The following MAP3K4 variants were observed in gnomAD, a reference collection of about 807,000 sequenced individuals.
MAP3K4 encodes MAP three kinase 1.
A neutral mutation model predicts 185.6 loss-of-function variants in MAP3K4; 67 were observed. That is an observed-to-expected ratio of 0.36 (90% confidence interval 0.30 to 0.44). MAP3K4 has a LOEUF of 0.44. Among genes scored for constraint, MAP3K4 ranks in the 20% least tolerant of loss-of-function variants. MAP3K4 has a pLI of 1.00. For synonymous variants in MAP3K4, 702 were observed against 710.4 expected, an observed-to-expected ratio of 0.99 and a Z score of 0.19; for missense variants, 1,551 against 1,995.1, an observed-to-expected ratio of 0.78 and a Z score of 4.24.
chr6:161,033,337 T>C (rs1176453251), intron 1 of MAP3K4, among the ~76,000 whole-genome samples: 1 of 152,206 alleles, frequency 6.6e-6, no homozygotes, highest in East Asian at 1.9e-4. Context: ...TTTTTAAGAA[T>C]TGTATTTGCT....
intron 1 of MAP3K4, among the ~76,000 whole-genome samples, chr6:161,024,248 T>TG (rs1782536305): frequency 6.6e-6 from 1 of 152,178 alleles, no homozygotes; most frequent in South Asian, 2.1e-4. Context: ...GGATTATAGA[T>TG]GCGAGCCGCC....
rs939490715 is a variant in MAP3K4 at position 161,003,121 on chromosome 6, G to A, written c.152+11038G>A. 3.3e-5 allele frequency among the ~76,000 whole-genome samples: 5 copies of A among 152,236 alleles called. No homozygotes were observed. In the South Asian group the frequency reaches 8.3e-4, roughly 25 times the overall value. On this transcript the variant is annotated intron_variant, in intron 1 of 26. Coordinates refer to ENST00000392142, the MANE Select transcript of MAP3K4 (RefSeq NM_005922.4). Reference sequence around the variant, plus strand: ...TTTTTGTGAATTTTTCACTATTTTGGATTGTTTCTTTAGGATAGCTTCCTA... The same window carrying A: ...TTTTTGTGAATTTTTCACTATTTTGAATTGTTTCTTTAGGATAGCTTCCTA...
chr6:161,051,017 A>T lies in MAP3K4; in HGVS notation c.1707+1038A>T, dbSNP rs1026595469. Among the ~76,000 whole-genome samples, 1 of 152,208 alleles carries T rather than the reference A, an allele frequency of 6.6e-6. No homozygotes were observed. The highest frequency in any genetic ancestry group is 2.4e-5 in the African/African-American group (1 of 41,456). ...ACCAATGCACAACCTCGTATGCTTTAATCTCGAGATTATGTGTAATGCCTT... is the reference window on the plus strand; with the variant it reads ...ACCAATGCACAACCTCGTATGCTTTTATCTCGAGATTATGTGTAATGCCTT... On this transcript the variant is annotated intron_variant, in intron 3 of 26. Coordinates refer to ENST00000392142, the MANE Select transcript of MAP3K4 (RefSeq NM_005922.4). This position sits in a 1 kb window ranked among gnomAD's most constrained non-coding sequence, Gnocchi z 4.2.
intron 1 of MAP3K4, among the ~76,000 whole-genome samples, chr6:160,993,979 A>G (rs561487533): frequency 2.7e-4 from 41 of 152,254 alleles, no homozygotes; most frequent in African/African-American, 8.4e-4. Context: ...GCTCTTCAAT[A>G]CATAGAACTG....
At chr6:161,092,840 T>C (rs1777387028) in intron 13 of MAP3K4, 138 bp from the exon 14 acceptor site, 1 of 504,116 alleles carries the variant, frequency 2.0e-6, no homozygotes, top group Admixed American at 3.6e-5. Context: ...CGCTGTAAAC[T>C]TACTGAACCC....
Position 161,093,250 on chromosome 6 carries a change from G to C in MAP3K4, c.3348+194G>C, listed in dbSNP as rs1026894553. On this transcript the variant is annotated intron_variant, in intron 14 of 26. Coordinates refer to ENST00000392142, the MANE Select transcript of MAP3K4 (RefSeq NM_005922.4). The surrounding 1 kb of genome is among the most constrained non-coding windows in gnomAD (Gnocchi z 5.2). ...GATTTTTTTTCTTTTTGTAACATTA[G>C]TGTTCAACTAAGTCAATGTCTGGTT... Among the ~76,000 whole-genome samples the C allele has an allele frequency of 3.3e-5, 5 of 152,090 alleles. No individual in the cohort carries two copies. Among genetic ancestry groups the C allele is most frequent in the African/African-American group, 7.2e-5 (3 of 41,472 alleles).
chr6:161,097,127 A>G lies in MAP3K4; in HGVS notation c.3475A>G (p.Ser1159Gly), dbSNP rs1461002405. ...TCCTATGAAGGTACCTCGATGCCAT[A>G]GTGACCCTCCTAACCCACACCTCAT... is the stretch of plus-strand genomic sequence containing the variant. Reference protein sequence around the residue: ...PRPMKVPRCHSDPPNPHLIIP... With the variant: ...PRPMKVPRCHGDPPNPHLIIP... The change falls in exon 16 of 27, where the codon AGT becomes GGT. Residue 1159 changes from serine (S) to glycine (G), a missense_variant. By Grantham distance (56) the Ser-to-Gly change is moderately conservative. This residue lies in a region of MAP3K4 where 272 missense variants were observed against 301.2 expected (regional missense o/e 0.90). Transcript: ENST00000392142. This position sits in a 1 kb window ranked among gnomAD's most constrained non-coding sequence, Gnocchi z 4.9. 6.2e-7 allele frequency: 1 copy of G among 1,614,160 alleles called. No homozygotes were observed. The highest frequency in any genetic ancestry group is 1.1e-5 in the South Asian group (1 of 91,084).
chr6:161,046,095 C>T (rs1005827751), intron 2 of MAP3K4, among the ~76,000 whole-genome samples: 4 of 152,058 alleles, frequency 2.6e-5, no homozygotes, highest in African/African-American at 7.2e-5. Flanking sequence ...CCCATAGGCA[C>T]GTCAAATTCA....
chr6:161,086,390 T>C lies in MAP3K4; in HGVS notation c.2384T>C (p.Ile795Thr). 2 of 1,612,432 alleles carry C rather than the reference T, an allele frequency of 1.2e-6. No individual in the cohort carries two copies. The highest frequency in any genetic ancestry group is 1.7e-6 in the Non-Finnish European group (2 of 1,178,822). The change falls in exon 8 of 27, where the codon ATA becomes ACA. Residue 795 changes from isoleucine to threonine, a missense_variant. Physicochemically the swap from Ile to Thr is moderately conservative, Grantham distance 89 (BLOSUM62 -1). Coordinates refer to ENST00000392142, the MANE Select transcript of MAP3K4 (RefSeq NM_005922.4). This position sits in a 1 kb window ranked among gnomAD's most constrained non-coding sequence, Gnocchi z 4.8. ...SASDEIRRSV[I>T]EISRALKELF... ...AATCCACTTGGCAGGAGGTCTGTTA[T>C]AGAGATCAGTCGAGCCCTGAAGGAG... is the stretch of plus-strand genomic sequence containing the variant.
At position 161,034,079 on chromosome 6, in the gene MAP3K4, C is replaced by G. The variant is rs1562494256; in HGVS notation, c.153-180C>G. ...AAGCGGCAGTCACAATTATTACTCT[C>G]TTCAAGCAAAAGAAAAGTTCTCCTT... On this transcript the variant is annotated intron_variant, in intron 1 of 26. Transcript: ENST00000392142. The surrounding 1 kb of genome is among the most constrained non-coding windows in gnomAD (Gnocchi z 4.4). 2.0e-5 allele frequency among the ~76,000 whole-genome samples: 3 copies of G among 152,206 alleles called. No individual in the cohort carries two copies. Among genetic ancestry groups the G allele is most frequent in the Non-Finnish European group, 4.4e-5 (3 of 68,032 alleles).
Position 161,017,415 on chromosome 6 carries a change from A to G in MAP3K4, c.153-16844A>G, listed in dbSNP as rs1782166805. 6.6e-6 allele frequency among the ~76,000 whole-genome samples: 1 copy of G among 152,150 alleles called. No homozygotes were observed. Among genetic ancestry groups the G allele is most frequent in the South Asian group, 2.1e-4 (1 of 4,822 alleles). On this transcript the variant is annotated intron_variant, in intron 1 of 26. Coordinates refer to ENST00000392142, the MANE Select transcript of MAP3K4 (RefSeq NM_005922.4). This position sits in a 1 kb window ranked among gnomAD's most constrained non-coding sequence, Gnocchi z 5.1. ...GACAAGCACGTAAGGAACTGCCAAG[A>G]GTGTTATTTATTTGGTCTTCTGGTA...
At chr6:160,995,168 G>A (rs755196728) in intron 1 of MAP3K4, among the ~76,000 whole-genome samples, 1 of 152,052 alleles carries the variant, frequency 6.6e-6, no homozygotes, top group Non-Finnish European at 1.5e-5. Flanking sequence ...GTATCTCATT[G>A]TGGTTTTAAT....
rs1781646697 is a variant in MAP3K4, at chr6:161,007,499, CAGAT to C, written c.152+15418_152+15421del. Among the ~76,000 whole-genome samples the C allele has an allele frequency of 6.6e-6, 1 of 152,158 alleles. No homozygotes were observed. Among genetic ancestry groups the C allele is most frequent in the African/African-American group, 2.4e-5 (1 of 41,416 alleles). ...TTGCTCTCTTAAGGAGCACAGGGCT[CAGAT>C]AAAGTTAAACAGTTGTGTCAAGTGA... is the stretch of plus-strand genomic sequence containing the variant. On this transcript the variant is annotated intron_variant, in intron 1 of 26. Transcript: ENST00000392142. The surrounding 1 kb of genome is among the most constrained non-coding windows in gnomAD (Gnocchi z 4.5).
At chr6:160,993,857 C>CA (rs11454481) in intron 1 of MAP3K4, among the ~76,000 whole-genome samples, 130,442 of 151,626 alleles carry the variant, frequency 0.86, 56,378 homozygotes, top group Admixed American at 0.9. Context: ...AAGAAGATCT[C>CA]AATATTTTTC....
chr6:161,041,912 C>CTTGTTTTTTTTTT (rs1783474224), intron 2 of MAP3K4, among the ~76,000 whole-genome samples: 1 of 64,046 alleles, frequency 1.6e-5, no homozygotes. Context: ...GTTATTGTTT[C>CTTGTTTTTTTTTT]TTTTTTTTTT....
At position 161,088,369 on chromosome 6, in the gene MAP3K4, G is replaced by A. The variant is rs1015778131; in HGVS notation, c.2823+415G>A. On this transcript the variant is annotated intron_variant, in intron 10 of 26. Transcript: ENST00000392142. This position sits in a 1 kb window ranked among gnomAD's most constrained non-coding sequence, Gnocchi z 4.5. ...CCCCTCCCTACCTAACAGGGACCTC[G>A]TGACAGTTTCTATAACTCATTAGTT... 1.3e-5 allele frequency among the ~76,000 whole-genome samples: 2 copies of A among 151,990 alleles called. No individual in the cohort carries two copies. Among genetic ancestry groups the A allele is most frequent in the African/African-American group, 4.8e-5 (2 of 41,360 alleles).
At chr6:161,092,327 T>A (rs930798620) in intron 13 of MAP3K4, among the ~76,000 whole-genome samples, 184 bp downstream of exon 13, 27 of 151,752 alleles carry the variant, frequency 1.8e-4, no homozygotes, top group South Asian at 4.2e-4. Context: ...TGGGAAAAAA[T>A]TTTTTTTTAA....
rs550479794 is a variant in MAP3K4, at chr6:161,053,827, C to G, written c.1707+3848C>G. On this transcript the variant is annotated intron_variant, in intron 3 of 26. Coordinates refer to ENST00000392142, the MANE Select transcript of MAP3K4 (RefSeq NM_005922.4). The surrounding 1 kb of genome is among the most constrained non-coding windows in gnomAD (Gnocchi z 4.2). ...CAGGCTAGTCTTGAACTCCTGACCC[C>G]AAATGATCCACCTGCCTCCGCCTCC... Among the ~76,000 whole-genome samples the G allele has an allele frequency of 6.6e-6, 1 of 152,276 alleles. No homozygotes were observed. Among genetic ancestry groups the G allele is most frequent in the African/African-American group, 2.4e-5 (1 of 41,548 alleles).
At position 161,091,567 on chromosome 6, in the gene MAP3K4, G is replaced by T. The variant is rs1777313498; in HGVS notation, c.3135+27G>T. The T allele has an allele frequency of 1.3e-6, 2 of 1,585,236 alleles. No homozygotes were observed. Among genetic ancestry groups the T allele is most frequent in the Non-Finnish European group, 1.7e-6 (2 of 1,165,330 alleles). On this transcript the variant is annotated intron_variant, in intron 12 of 26. Coordinates refer to ENST00000392142, the MANE Select transcript of MAP3K4 (RefSeq NM_005922.4). The surrounding 1 kb of genome is among the most constrained non-coding windows in gnomAD (Gnocchi z 5.5). The stretch of plus-strand genomic sequence containing the variant: ...TAGGTTCAAAATAAGAGGAAACACG[G>T]TACAATTTAGTAATTGCTTGATAAC...
Sources: gnomAD v4.1 joint callset for allele counts (sites outside exome capture counted in the v4.1 genomes callset) on GRCh38, gnomAD v4.1.1 for gene constraint, gnomAD v4.1.1 regional missense constraint, Gnocchi (gnomAD v3.1) non-coding constraint, MANE v1.5 for transcripts, NCBI Gene and HGNC (gene_info 2026-07-23, HGNC 2026-07-21) for gene names.